Variants in TBRG1 observed in about 807,000 individuals in gnomAD.
TBRG1 encodes nuclear interactor of ARF and MDM2.
In TBRG1, 31 loss-of-function variants were observed where a neutral mutation model predicts 44.0. That is an observed-to-expected ratio of 0.70 (90% CI 0.53 to 0.95). The LOEUF (loss-of-function observed/expected upper bound fraction) is 0.95, where lower values mean the gene tolerates loss of function less well. Among genes scored for constraint, TBRG1 ranks in the 40% least tolerant of loss-of-function variants. The pLI is 0.00. For synonymous variants in TBRG1, 171 were observed against 188.1 expected (o/e 0.91, Z 0.74); for missense variants, 487 against 496.1 (o/e 0.98, Z 0.18).
chr11:124,628,063 TTTTATATATATA>T (rs1942510524), intron 5 of TBRG1, among the ~76,000 whole-genome samples: 1 of 89,072 alleles, frequency 1.1e-5, no homozygotes, highest in East Asian at 3.3e-4. Context: ...CAAGTAGCTG[TTTTATATATATA>T]TATATATATA....
In TBRG1 at chr11:124,633,213, T is replaced by G. The variant is rs1471391242; in HGVS notation, c.*975T>G. On this transcript the variant is annotated 3_prime_UTR_variant, in exon 9 of 9. Coordinates refer to ENST00000441174, the MANE Select transcript of TBRG1 (RefSeq NM_032811.3). ...ATGATAACACAAATTCACATATAATTGGGGGTTAGTCCCATACTCTATAAC... is the reference window on the plus strand; with the variant it reads ...ATGATAACACAAATTCACATATAATGGGGGGTTAGTCCCATACTCTATAAC... 1 of 152,226 alleles carries G rather than the reference T, an allele frequency of 6.6e-6. No homozygotes were observed. The highest frequency in any genetic ancestry group is 2.4e-5 in the African/African-American group (1 of 41,464). 9.4% of individuals were successfully genotyped at this position (152,226 alleles called of 1,614,324 possible). A position where few individuals can be genotyped will look rare whatever the true frequency, so the allele number is the denominator to read the frequency against.
In TBRG1 at chr11:124,632,320, A is replaced by G; in HGVS notation, c.*82A>G. The G allele has an allele frequency of 8.0e-7, 1 of 1,247,844 alleles. No homozygotes were observed. Among genetic ancestry groups the G allele is most frequent in the Non-Finnish European group, 1.1e-6 (1 of 873,554 alleles). 77.3% of individuals were successfully genotyped at this position (1,247,844 alleles called of 1,614,324 possible). On this transcript the variant is annotated 3_prime_UTR_variant, in exon 9 of 9. Transcript: ENST00000441174. ...AAATTTTGGGTATATGAAAGAAGGC[A>G]GCAATTCAGAAGTAAAGAAGATACT...
Position 124,622,963 on chromosome 11 carries a change from C to A in TBRG1, c.-121C>A. 1 of 1,137,284 alleles carries A rather than the reference C, an allele frequency of 8.8e-7. No individual in the cohort carries two copies. Among genetic ancestry groups the A allele is most frequent in the Non-Finnish European group, 1.2e-6 (1 of 827,008 alleles). The allele number at this position is 1,137,284 out of a possible 1,614,324, so 70.4% of individuals were successfully genotyped here. A position where few individuals can be genotyped will look rare whatever the true frequency, so the allele number is the denominator to read the frequency against. On this transcript the variant is annotated 5_prime_UTR_variant, in exon 1 of 9. Coordinates refer to ENST00000441174, the MANE Select transcript of TBRG1 (RefSeq NM_032811.3). Reference sequence around the variant, plus strand: ...TCAGCCCTGGGAACGTCCCGGAGAGCTAGATTCCTAGAGGCCCGATTCCGC... The same window carrying A: ...TCAGCCCTGGGAACGTCCCGGAGAGATAGATTCCTAGAGGCCCGATTCCGC...
In TBRG1 at chr11:124,622,904, G is replaced by GCCCGTT; in HGVS notation, c.-178_-173dup. On this transcript the variant is annotated 5_prime_UTR_variant, in exon 1 of 9. Transcript: ENST00000441174. The stretch of plus-strand genomic sequence containing the variant: ...ACGGAAGTGCTGGGAGGCGCCGGGA[G>GCCCGTT]CCCGTTCGGTTGCGGGTGTCTCTGG... The GCCCGTT allele has an allele frequency of 1.6e-6, 1 of 628,454 alleles. No homozygotes were observed. Among genetic ancestry groups the GCCCGTT allele is most frequent in the Non-Finnish European group, 2.6e-6 (1 of 377,632 alleles). The allele number at this position is 628,454 out of a possible 1,614,324, so 38.9% of individuals were successfully genotyped here.
At chr11:124,623,262 C>T (rs1437787397) in intron 1 of TBRG1, 29 bp downstream of exon 1, 22 of 1,551,018 alleles carry the variant, frequency 1.4e-5, no homozygotes, top group African/African-American at 4.1e-5. Context: ...CAGCCGGTCC[C>T]CTCCTGGAGA....
Position 124,627,320 on chromosome 11 carries a change from C to T in TBRG1, c.738+270C>T, listed in dbSNP as rs372552881. 1.4e-4 allele frequency among the ~76,000 whole-genome samples: 21 copies of T among 152,226 alleles called. No homozygotes were observed. The East Asian group carries it at 3.9e-3, about 28-fold the overall frequency. ...CTGCTGACTTTGTGACTATGTGAGGCTTGATCAAGCCTACTTATGTGAGGT... is the reference window on the plus strand; with the variant it reads ...CTGCTGACTTTGTGACTATGTGAGGTTTGATCAAGCCTACTTATGTGAGGT... On this transcript the variant is annotated intron_variant, in intron 5 of 8. Coordinates refer to ENST00000441174, the MANE Select transcript of TBRG1 (RefSeq NM_032811.3).
At chr11:124,628,257 T>A (rs1399908284) in intron 5 of TBRG1, among the ~76,000 whole-genome samples, 1 of 150,308 alleles carries the variant, frequency 6.7e-6, no homozygotes, top group Non-Finnish European at 1.5e-5. Flanking sequence ...TATTGAATAT[T>A]TTATTCTATA....
intron 8 of TBRG1, chr11:124,631,688 G>A (rs1942613734): frequency 2.0e-6 from 1 of 506,744 alleles, no homozygotes. Flanking sequence ...AAGCAAGACT[G>A]GAGCAGAACA....
At chr11:124,626,372 C>A in intron 3 of TBRG1, 101 bp from the exon 4 acceptor site, 1 of 1,107,530 alleles carries the variant, frequency 9.0e-7, no homozygotes, top group Non-Finnish European at 1.3e-6. Context: ...GTATATAAAA[C>A]CAGGATTGGC....
At chr11:124,627,818 C>T (rs866479480) in intron 5 of TBRG1, among the ~76,000 whole-genome samples, 3 of 151,824 alleles carry the variant, frequency 2.0e-5, no homozygotes, top group Admixed American at 6.6e-5. Flanking sequence ...ATTATTGTAA[C>T]GGTATACCAT....
rs766515101 is a variant in TBRG1 at position 124,630,443 on chromosome 11, A to G, written c.794A>G (p.Asp265Gly). 22 of 1,613,682 alleles carry G rather than the reference A, an allele frequency of 1.4e-5. No homozygotes were observed. The South Asian group carries it at 2.1e-4, about 15-fold the overall frequency. Reference sequence around the variant, plus strand: ...AATGCCATTGTCAGCTCTTCTGCAGATGCTTGTCATGCAGAACTGCTCAGG... The same window carrying G: ...AATGCCATTGTCAGCTCTTCTGCAGGTGCTTGTCATGCAGAACTGCTCAGG... ...PQNAIVSSSA[D>G]ACHAELLRTI... Residue 265 changes from aspartate to glycine, a missense_variant, in exon 6 of 9, where the codon GAT (aspartate) becomes GGT (glycine). Coordinates refer to ENST00000441174, the MANE Select transcript of TBRG1 (RefSeq NM_032811.3).
At chr11:124,624,484 T>C (rs951777859) in intron 1 of TBRG1, among the ~76,000 whole-genome samples, 3 of 152,160 alleles carry the variant, frequency 2.0e-5, no homozygotes, top group Admixed American at 1.3e-4. Flanking sequence ...TCTATTTGGG[T>C]TAGACTGGCT....
Position 124,622,956 on chromosome 11 carries a change from C to T in TBRG1, c.-128C>T. 9.1e-7 allele frequency: 1 copy of T among 1,093,522 alleles called. No individual in the cohort carries two copies. The highest frequency in any genetic ancestry group is 1.3e-6 in the Non-Finnish European group (1 of 787,730). 67.7% of individuals were successfully genotyped at this position (1,093,522 alleles called of 1,614,324 possible). On this transcript the variant is annotated 5_prime_UTR_variant, in exon 1 of 9. Transcript: ENST00000441174. ...CCTGCGGTCAGCCCTGGGAACGTCCCGGAGAGCTAGATTCCTAGAGGCCCG... is the reference window on the plus strand; with the variant it reads ...CCTGCGGTCAGCCCTGGGAACGTCCTGGAGAGCTAGATTCCTAGAGGCCCG...
At chr11:124,630,674 C>T (rs1942589172) in intron 6 of TBRG1, 71 bp from the exon 7 acceptor site, 1 of 1,181,268 alleles carries the variant, frequency 8.5e-7, no homozygotes, top group Non-Finnish European at 1.2e-6. Flanking sequence ...GTTCATACCA[C>T]TATTCTGTTC....
rs1459709596 is a variant in TBRG1 at position 124,633,217 on chromosome 11, G to A, written c.*979G>A. 2.6e-5 allele frequency: 4 copies of A among 152,124 alleles called. No homozygotes were observed. The highest frequency in any genetic ancestry group is 9.7e-5 in the African/African-American group (4 of 41,432). 9.4% of individuals were successfully genotyped at this position (152,124 alleles called of 1,614,324 possible). ...TAACACAAATTCACATATAATTGGG[G>A]GTTAGTCCCATACTCTATAACAGAC... On this transcript the variant is annotated 3_prime_UTR_variant, in exon 9 of 9. Coordinates refer to ENST00000441174, the MANE Select transcript of TBRG1 (RefSeq NM_032811.3).
chr11:124,629,195 C>T (rs1161940491), intron 5 of TBRG1, among the ~76,000 whole-genome samples: 10 of 152,110 alleles, frequency 6.6e-5, no homozygotes, highest in East Asian at 1.9e-4. Context: ...CAAAATTAGC[C>T]GGGCCTGGTG....
At chr11:124,629,970 G>T (rs7112299) in intron 5 of TBRG1, 1 of 156,580 alleles carries the variant, frequency 6.4e-6, no homozygotes, top group African/African-American at 2.4e-5. Flanking sequence ...ATATTTTAAC[G>T]TTCAAAATGA....
In TBRG1 at chr11:124,632,610, C is replaced by A; in HGVS notation, c.*372C>A. On this transcript the variant is annotated 3_prime_UTR_variant, in exon 9 of 9. Coordinates refer to ENST00000441174, the MANE Select transcript of TBRG1 (RefSeq NM_032811.3). ...TAACATGAATTTATTTCTCACAGTT[C>A]TGGATGCTGGGAAGTCCAAGTTCAA... The A allele has an allele frequency of 1.2e-5, 2 of 169,984 alleles. No individual in the cohort carries two copies. Among genetic ancestry groups the A allele is most frequent in the South Asian group, 2.8e-4 (2 of 7,200 alleles). 10.5% of individuals were successfully genotyped at this position (169,984 alleles called of 1,614,324 possible).
intron 7 of TBRG1, 168 bp downstream of exon 7, chr11:124,631,023 C>A (rs4551782): frequency 0.08 from 51,023 of 641,108 alleles, 2,204 homozygotes; most frequent in African/African-American, 0.093. Context: ...TAAGCAAGAG[C>A]CAGGACTCCA....
Sources: allele counts gnomAD v4.1 joint callset (sites outside exome capture counted in the v4.1 genomes callset), GRCh38; gene constraint gnomAD v4.1.1; transcripts MANE v1.5; gene names NCBI Gene and HGNC (gene_info 2026-07-23, HGNC 2026-07-21).